Variants in HS6ST2 observed in about 807,000 individuals in gnomAD.
The protein encoded by HS6ST2 is heparan sulfate 6-O-sulfotransferase 2, also known as heparan-sulfate 6-O-sulfotransferase 2.
Under a neutral mutation model 33.0 loss-of-function variants are expected in HS6ST2, and 17 were observed. That is an observed-to-expected ratio of 0.52 (90% CI 0.35 to 0.77). The LOEUF is 0.77. Ranked by LOEUF, HS6ST2 falls within the 30% of genes least tolerant of loss-of-function variation. The pLI, the probability that HS6ST2 is intolerant of heterozygous loss-of-function variation, is 0.01. For missense variants in HS6ST2, 519 were observed against 551.7 expected, an observed-to-expected ratio of 0.94 and a Z score of 0.59; for synonymous variants, 248 against 237.1, an observed-to-expected ratio of 1.05 and a Z score of -0.42.
At chrX:132,651,287 G>A (rs1427068264) in intron 4 of HS6ST2, among the ~76,000 whole-genome samples, 2 of 112,117 alleles carry the variant, frequency 1.8e-5, no homozygotes, top group African/African-American at 3.2e-5. Context: ...TACTTGGAGA[G>A]TGCAGATGCT....
chrX:132,805,983 C>G (rs1181520294), intron 2 of HS6ST2, among the ~76,000 whole-genome samples: 2 of 109,870 alleles, frequency 1.8e-5, no homozygotes, highest in African/African-American at 6.5e-5. Context: ...TCCTTCCAAT[C>G]TTGATATTCT....
intron 2 of HS6ST2, among the ~76,000 whole-genome samples, chrX:132,929,564 CTA>C (rs2066743722): frequency 1.8e-5 from 2 of 110,930 alleles, no homozygotes; most frequent in Non-Finnish European, 3.8e-5. Context: ...CAATAAGTAG[CTA>C]TACTAATATT....
At chrX:132,802,754 C>A (rs775600767) in intron 2 of HS6ST2, among the ~76,000 whole-genome samples, 1 of 109,457 alleles carries the variant, frequency 9.1e-6, no homozygotes, top group Non-Finnish European at 1.9e-5. Flanking sequence ...TTTTTCCAGG[C>A]TCAGCAAAGT....
intron 2 of HS6ST2, among the ~76,000 whole-genome samples, chrX:132,849,048 T>C (rs1272438816): frequency 1.8e-5 from 2 of 111,936 alleles, no homozygotes; most frequent in Non-Finnish European, 3.8e-5. Flanking sequence ...TTCTATTTCC[T>C]TCATCATTAA....
chrX:132,937,829 C>T (rs1418477950), intron 2 of HS6ST2, among the ~76,000 whole-genome samples: 5 of 111,116 alleles, frequency 4.5e-5, no homozygotes, highest in African/African-American at 1.3e-4. Context: ...GCGAGGTTGG[C>T]TTACTACCTG....
intron 2 of HS6ST2, among the ~76,000 whole-genome samples, chrX:132,838,773 AT>A (rs890351063): frequency 2.0e-4 from 22 of 108,999 alleles, no homozygotes; most frequent in African/African-American, 5.0e-4. Context: ...TGCCGTCACT[AT>A]TTTTTTTTAA....
At chrX:132,637,839 ATTTTAT>A (rs2063564481) in intron 4 of HS6ST2, among the ~76,000 whole-genome samples, 1 of 44,182 alleles carries the variant, frequency 2.3e-5, no homozygotes, top group African/African-American at 3.5e-4. Flanking sequence ...TATATATAAT[ATTTTAT>A]ATATAATATA....
chrX:132,896,803 G>A (rs1340755535), intron 2 of HS6ST2, among the ~76,000 whole-genome samples: 1 of 111,850 alleles, frequency 8.9e-6, no homozygotes, highest in Non-Finnish European at 1.9e-5. Context: ...CTCATATTAG[G>A]AACTCAGTAA....
intron 2 of HS6ST2, among the ~76,000 whole-genome samples, chrX:132,833,817 G>C (rs761781070): frequency 9.4e-5 from 10 of 106,874 alleles, no homozygotes; most frequent in Non-Finnish European, 1.9e-5. Context: ...TGTGCACAAT[G>C]TGCAGGTTAG....
At chrX:132,708,389 G>T (rs1383586527) in intron 3 of HS6ST2, 73 bp downstream of exon 3, 1 of 663,233 alleles carries the variant, frequency 1.5e-6, no homozygotes, top group East Asian at 4.6e-5. Context: ...AAATTAAACG[G>T]ACAGGCAACT....
intron 2 of HS6ST2, among the ~76,000 whole-genome samples, chrX:132,891,082 T>C (rs2066305101): frequency 1.0e-5 from 1 of 100,109 alleles, no homozygotes; most frequent in East Asian, 3.2e-4. Context: ...GAGCACTGGT[T>C]TGCAAGTCCA....
At chrX:132,648,483 C>T (rs756466526) in intron 4 of HS6ST2, among the ~76,000 whole-genome samples, 3 of 101,661 alleles carry the variant, frequency 3.0e-5, no homozygotes, top group Non-Finnish European at 5.8e-5. Context: ...TGGATAGTTC[C>T]GGAGCCCTAG....
chrX:132,673,768 G>A (rs1009798441), intron 3 of HS6ST2, among the ~76,000 whole-genome samples: 4 of 110,781 alleles, frequency 3.6e-5, no homozygotes. Flanking sequence ...GGTGCTTCAG[G>A]CCCCTCTCCA....
At chrX:132,689,308 A>G (rs2064042788) in intron 3 of HS6ST2, among the ~76,000 whole-genome samples, 1 of 112,171 alleles carries the variant, frequency 8.9e-6, no homozygotes, top group Non-Finnish European at 1.9e-5. Flanking sequence ...TGTCTCCACA[A>G]TCTGCCTGAT....
intron 2 of HS6ST2, among the ~76,000 whole-genome samples, chrX:132,745,931 T>A (rs2064635693): frequency 8.9e-6 from 1 of 112,003 alleles, no homozygotes; most frequent in Admixed American, 9.5e-5. Flanking sequence ...TTAGGTGAAT[T>A]TTCAACTTTA....
chrX:132,801,038 T>C (rs1171533831), intron 2 of HS6ST2, among the ~76,000 whole-genome samples: 1 of 111,707 alleles, frequency 9.0e-6, no homozygotes, highest in African/African-American at 3.3e-5. Context: ...CTTTTCTTTA[T>C]AAATTATCCA....
chrX:132,955,151 A>T (rs762968236), intron 2 of HS6ST2, among the ~76,000 whole-genome samples: 1 of 112,282 alleles, frequency 8.9e-6, no homozygotes, highest in Non-Finnish European at 1.9e-5. Flanking sequence ...TACACCTACA[A>T]GGTCTGTCAG....
chrX:132,844,947 G>A (rs951053324), intron 2 of HS6ST2, among the ~76,000 whole-genome samples: 1 of 108,881 alleles, frequency 9.2e-6, no homozygotes, highest in Non-Finnish European at 1.9e-5. Context: ...TTCATCACTG[G>A]AAAACTGGAG....
At position 132,746,639 on chromosome X, in the gene HS6ST2, C is replaced by T. The variant is rs17000315; in HGVS notation, c.948-38145G>A. ...CTCACTCCCTCTGCCTAGGAAGATG[C>T]CTCCCTCCAATAATGTTTAGGTGAA... is the stretch of plus-strand genomic sequence containing the variant. On this transcript the variant is annotated intron_variant, in intron 2 of 4. Coordinates refer to ENST00000370833, the MANE Select transcript of HS6ST2 (RefSeq NM_001394073.1). 6.7e-3 allele frequency among the ~76,000 whole-genome samples: 752 copies of T among 112,314 alleles called. 7 individuals carry two copies. The highest frequency in any genetic ancestry group is 0.022 in the African/African-American group (683 of 30,941).
Sources: allele counts gnomAD v4.1 joint callset (sites outside exome capture counted in the v4.1 genomes callset), GRCh38; gene constraint gnomAD v4.1.1; transcripts MANE v1.5; gene names NCBI Gene and HGNC (gene_info 2026-07-23, HGNC 2026-07-21).